PTPRJ: variants seen among roughly 807,000 people sequenced by gnomAD.
The protein encoded by PTPRJ is receptor-type tyrosine-protein phosphatase eta.
In PTPRJ, 129 loss-of-function variants were observed where a neutral mutation model predicts 141.3. That is an observed-to-expected ratio of 0.91 (90% CI 0.79 to 1.06). PTPRJ has a LOEUF of 1.06. Among genes scored for constraint, PTPRJ ranks in the 50% least tolerant of loss-of-function variants. The pLI is 0.00. For missense variants in PTPRJ, 1,601 were observed against 1,679.7 expected (o/e 0.95, Z 0.82); for synonymous variants, 610 against 640.5 (o/e 0.95, Z 0.72).
rs770620646 is a variant in PTPRJ at position 48,042,917 on chromosome 11, A to G, written c.96+61909A>G. Among the ~76,000 whole-genome samples the G allele has an allele frequency of 7.9e-5, 12 of 152,168 alleles. 1 individual carries two copies. The highest frequency in any genetic ancestry group is 2.0e-4 in the Admixed American group (3 of 15,264). On this transcript the variant is annotated intron_variant, in intron 1 of 24. Transcript: ENST00000418331. Reference sequence around the variant, plus strand: ...CCTGAAATGTAAGACCCAAAGAAACATAGATAGCCATATTTTCCAGTCCTG... The same window carrying G: ...CCTGAAATGTAAGACCCAAAGAAACGTAGATAGCCATATTTTCCAGTCCTG...
chr11:48,071,761 G>A (rs1267716386), intron 1 of PTPRJ, among the ~76,000 whole-genome samples: 1 of 146,744 alleles, frequency 6.8e-6, no homozygotes, highest in South Asian at 2.2e-4. Context: ...GATGCATCAC[G>A]CCCAGCTAAT....
At chr11:48,001,859 G>A (rs1324436412) in intron 1 of PTPRJ, among the ~76,000 whole-genome samples, 2 of 152,122 alleles carry the variant, frequency 1.3e-5, no homozygotes, top group African/African-American at 2.4e-5. Context: ...ACAGGTAGTG[G>A]TGCAGACACT....
At chr11:48,059,227 A>G (rs1854851130) in intron 1 of PTPRJ, among the ~76,000 whole-genome samples, 1 of 149,854 alleles carries the variant, frequency 6.7e-6, no homozygotes, top group African/African-American at 2.5e-5. Context: ...GGTTCAAGCA[A>G]TTCTCCTGCC....
At chr11:48,119,873 C>T (rs181477264) in intron 3 of PTPRJ, among the ~76,000 whole-genome samples, 27 of 152,280 alleles carry the variant, frequency 1.8e-4, no homozygotes, top group African/African-American at 5.3e-4. Context: ...TTTTACTCTT[C>T]GGTTTCTGGT....
chr11:48,067,654 C>A, intron 1 of PTPRJ, among the ~76,000 whole-genome samples: 1 of 152,146 alleles, frequency 6.6e-6, no homozygotes, highest in Non-Finnish European at 1.5e-5. Flanking sequence ...GAAACCCGAA[C>A]AAGCAAGGAG....
In PTPRJ at chr11:48,163,622, C is replaced by T. The variant is rs192553053; in HGVS notation, c.3719+4C>T. On this transcript the variant is annotated splice_donor_region_variant and intron_variant, in intron 23 of 24. Coordinates refer to ENST00000418331, the MANE Select transcript of PTPRJ (RefSeq NM_002843.4). The stretch of plus-strand genomic sequence containing the variant: ...CGCCGATTCTGGTGCATTGCAGGTA[C>T]GCAGATGGCACGTCACGTGTGACAG... 2.3e-4 allele frequency: 373 copies of T among 1,610,364 alleles called. 2 individuals carry two copies. In the African/African-American group the frequency reaches 4.0e-3, roughly 17 times the overall value.
chr11:48,164,558 ATTTTTTTTTTTT>A lies in PTPRJ; in HGVS notation c.3855+58_3855+69del, dbSNP rs60806872. 68 of 774,332 alleles carry A rather than the reference ATTTTTTTTTTTT, an allele frequency of 8.8e-5. No individual in the cohort carries two copies. In the African/African-American group the frequency reaches 1.5e-3, roughly 17 times the overall value. 48.0% of individuals were successfully genotyped at this position (774,332 alleles called of 1,614,324 possible). On this transcript the variant is annotated intron_variant, in intron 24 of 24. Coordinates refer to ENST00000418331, the MANE Select transcript of PTPRJ (RefSeq NM_002843.4). ...ATTTGACATTCCACCCTTCCCCTCC[ATTTTTTTTTTTT>A]TTTTTTTTTTTTTTGAGACGGAGTC...
At chr11:48,080,763 T>C (rs1261315032) in intron 1 of PTPRJ, among the ~76,000 whole-genome samples, 1 of 152,200 alleles carries the variant, frequency 6.6e-6, no homozygotes, top group East Asian at 1.9e-4. Flanking sequence ...CCCGGCAGGA[T>C]TGAATTCCTC....
intron 10 of PTPRJ, 113 bp downstream of exon 10, chr11:48,137,394 C>T: frequency 8.3e-7 from 1 of 1,206,818 alleles, no homozygotes; most frequent in Non-Finnish European, 1.2e-6. Context: ...CAGTGATGGA[C>T]ATTGAGCTTT....
In PTPRJ at chr11:48,170,802, A is replaced by G. The variant is rs1485184672; in HGVS notation, c.*3440A>G. ...AAATGGCCTGAAAACATTTTTTTAA[A>G]GACTTACAAATACCAAATATAAAAA... On this transcript the variant is annotated 3_prime_UTR_variant, in exon 25 of 25. Coordinates refer to ENST00000418331, the MANE Select transcript of PTPRJ (RefSeq NM_002843.4). 6.6e-6 allele frequency: 1 copy of G among 151,564 alleles called. No individual in the cohort carries two copies. Among genetic ancestry groups the G allele is most frequent in the Admixed American group, 6.6e-5 (1 of 15,202 alleles). 9.4% of individuals were successfully genotyped at this position (151,564 alleles called of 1,614,324 possible).
chr11:48,002,787 G>A (rs2134191819), intron 1 of PTPRJ, among the ~76,000 whole-genome samples: 1 of 152,326 alleles, frequency 6.6e-6, no homozygotes, highest in South Asian at 2.1e-4. Flanking sequence ...ATGAGCAGCT[G>A]GAGCTGCATT....
In PTPRJ at chr11:48,144,898, G is replaced by A. The variant is rs761372827; in HGVS notation, c.2786+13G>A. 4 of 1,613,958 alleles carry A rather than the reference G, an allele frequency of 2.5e-6. No homozygotes were observed. The highest frequency in any genetic ancestry group is 2.5e-6 in the Non-Finnish European group (3 of 1,179,940). On this transcript the variant is annotated intron_variant, in intron 13 of 24. Coordinates refer to ENST00000418331, the MANE Select transcript of PTPRJ (RefSeq NM_002843.4). ...TGGGCTCCTACCGGTAATGTCTTCT[G>A]GTTCTTACTCTTTGGGGGCTGAGCC...
At chr11:47,997,377 C>T (rs1854366638) in intron 1 of PTPRJ, among the ~76,000 whole-genome samples, 1 of 152,260 alleles carries the variant, frequency 6.6e-6, no homozygotes, top group Admixed American at 6.5e-5. Context: ...TGGTAGCTGA[C>T]TTCCTCCCCG....
intron 1 of PTPRJ, among the ~76,000 whole-genome samples, chr11:48,010,047 C>G (rs376195396): frequency 6.6e-6 from 1 of 152,214 alleles, no homozygotes; most frequent in African/African-American, 2.4e-5. Context: ...GTGTGCCACA[C>G]GCTTTCTTGC....
chr11:48,031,176 AT>A (rs1853972502), intron 1 of PTPRJ, among the ~76,000 whole-genome samples: 1 of 152,036 alleles, frequency 6.6e-6, no homozygotes, highest in Non-Finnish European at 1.5e-5. Flanking sequence ...TGTTATTTTT[AT>A]TTTTTTAATA....
At chr11:48,120,175 T>A (rs1355989322) in intron 3 of PTPRJ, among the ~76,000 whole-genome samples, 1 of 152,204 alleles carries the variant, frequency 6.6e-6, no homozygotes, top group East Asian at 1.9e-4. Flanking sequence ...ACAGAGAAAC[T>A]TGAGACTGAG....
intron 1 of PTPRJ, among the ~76,000 whole-genome samples, chr11:48,059,110 C>CTTTTTTT (rs917350262): frequency 2.5e-4 from 26 of 102,144 alleles, no homozygotes; most frequent in African/African-American, 1.0e-3. Flanking sequence ...TGTGCTGTGC[C>CTTTTTTT]TTTTTTTTTT....
intron 1 of PTPRJ, among the ~76,000 whole-genome samples, chr11:48,029,811 CT>C (rs976352261): frequency 3.3e-5 from 5 of 152,180 alleles, no homozygotes; most frequent in South Asian, 2.1e-4. Context: ...CTAAACATAT[CT>C]TTAGCTGCGT....
At chr11:48,092,772 G>A (rs1855905105) in intron 1 of PTPRJ, among the ~76,000 whole-genome samples, 1 of 152,146 alleles carries the variant, frequency 6.6e-6, no homozygotes, top group Admixed American at 6.5e-5. Context: ...AAGTGAAGTT[G>A]TGCAGTGTTT....
Sources: allele counts gnomAD v4.1 joint callset (sites outside exome capture counted in the v4.1 genomes callset), GRCh38; gene constraint gnomAD v4.1.1; transcripts MANE v1.5; gene names NCBI Gene and HGNC (gene_info 2026-07-23, HGNC 2026-07-21).